Variants in DHCR24 observed in about 807,000 individuals in gnomAD.
The protein encoded by DHCR24 is delta(24)-sterol reductase.
Under a neutral mutation model 61.2 loss-of-function variants are expected in DHCR24, and 28 were observed. The observed-to-expected ratio is 0.46, with a 90% CI of 0.34 to 0.63. The LOEUF (loss-of-function observed/expected upper bound fraction) is 0.63. Ranked by LOEUF, DHCR24 falls within the 20% of genes least tolerant of loss-of-function variation. The pLI is 0.01. For synonymous variants in DHCR24, 261 were observed against 275.9 expected (o/e 0.95, Z 0.54); for missense variants, 538 against 679.1 (o/e 0.79, Z 2.31).
rs1646977916 is a variant in DHCR24 at position 54,868,209 on chromosome 1, GC to G, written c.877-2764del. Among the ~76,000 whole-genome samples the G allele has an allele frequency of 4.6e-5, 7 of 152,300 alleles. No homozygotes were observed. The South Asian group carries it at 1.2e-3, about 27-fold the overall frequency. On this transcript the variant is annotated intron_variant, in intron 5 of 8. Transcript: ENST00000371269. Reference sequence around the variant, plus strand: ...CAATTGGCCGGGCGCAGTGGCTCACGCCCGTAATCCCAACACTTTGGGAGGC... The same window carrying G: ...CAATTGGCCGGGCGCAGTGGCTCACGCCGTAATCCCAACACTTTGGGAGGC...
At chr1:54,878,343 TA>T (rs34599871) in intron 2 of DHCR24, among the ~76,000 whole-genome samples, 129,817 of 146,954 alleles carry the variant, frequency 0.88, 57,335 homozygotes, top group Middle Eastern at 0.91. Context: ...CCGCCTCTGC[TA>T]AAAAAAAAAA....
intron 6 of DHCR24, among the ~76,000 whole-genome samples, chr1:54,858,021 T>C (rs954921158): frequency 6.6e-6 from 1 of 152,152 alleles, no homozygotes; most frequent in African/African-American, 2.4e-5. Context: ...AGGCCGCCAA[T>C]GGGAGGAGAA....
chr1:54,863,787 T>C (rs1216456969), intron 6 of DHCR24, among the ~76,000 whole-genome samples: 1 of 152,166 alleles, frequency 6.6e-6, no homozygotes, highest in African/African-American at 2.4e-5. Context: ...GAGAAAATGT[T>C]TGCAGATCAT....
rs1397953194 is a variant in DHCR24 at position 54,883,776 on chromosome 1, G to C, written c.232-3C>G. The C allele has an allele frequency of 6.2e-7, 1 of 1,613,960 alleles. No homozygotes were observed. Among genetic ancestry groups the C allele is most frequent in the Non-Finnish European group, 8.5e-7 (1 of 1,180,038 alleles). On this transcript the variant is annotated splice_region_variant and splice_polypyrimidine_tract_variant and intron_variant, in intron 1 of 8. Coordinates refer to ENST00000371269, the MANE Select transcript of DHCR24 (RefSeq NM_014762.4). This position sits in a 1 kb window ranked among gnomAD's most constrained non-coding sequence, Gnocchi z 4.3. Reference sequence around the variant, plus strand: ...CCCTGCTCCTTCCATTCCCGCACCTGCAACCACAGGACAGAGGGTGAGCTG... The same window carrying C: ...CCCTGCTCCTTCCATTCCCGCACCTCCAACCACAGGACAGAGGGTGAGCTG...
chr1:54,865,518 C>G, intron 5 of DHCR24, 72 bp from the exon 6 acceptor site: 1 of 1,598,890 alleles, frequency 6.3e-7, no homozygotes, highest in Non-Finnish European at 8.5e-7. Context: ...AACAGCGACA[C>G]CCGGCTTCTG....
chr1:54,868,754 G>C (rs1646981329), intron 5 of DHCR24, among the ~76,000 whole-genome samples: 1 of 151,692 alleles, frequency 6.6e-6, no homozygotes, highest in Admixed American at 6.6e-5. Context: ...GTAACAACAG[G>C]GGGAAATGCT....
intron 6 of DHCR24, among the ~76,000 whole-genome samples, chr1:54,859,517 A>G (rs1302246007): frequency 6.6e-6 from 1 of 151,644 alleles, no homozygotes; most frequent in African/African-American, 2.4e-5. Flanking sequence ...GCTGTTGCCC[A>G]GGCTGGAGTA....
In DHCR24 at chr1:54,864,401, CATT is replaced by C. The variant is rs141172216; in HGVS notation, c.1020+899_1020+901del. Among the ~76,000 whole-genome samples, 980 of 152,228 alleles carry C rather than the reference CATT, an allele frequency of 6.4e-3. 14 individuals carry two copies. Among genetic ancestry groups the C allele is most frequent in the African/African-American group, 0.023 (952 of 41,526 alleles). On this transcript the variant is annotated intron_variant, in intron 6 of 8. Coordinates refer to ENST00000371269, the MANE Select transcript of DHCR24 (RefSeq NM_014762.4). ...GAAATGAAATATTGATACATGAAAA[CATT>C]ATGCTATGTAAAAGAAGCCAGTCAC... is the stretch of plus-strand genomic sequence containing the variant.
rs1208649907 is a variant in DHCR24, at chr1:54,883,273, A to T, written c.387+345T>A. Among the ~76,000 whole-genome samples, 2 of 152,200 alleles carry T rather than the reference A, an allele frequency of 1.3e-5. No homozygotes were observed. Among genetic ancestry groups the T allele is most frequent in the African/African-American group, 2.4e-5 (1 of 41,436 alleles). Reference sequence around the variant, plus strand: ...GAGGGTTTCCAGGAAGCTTGTAACAAGACCCATGTCTCTCAGTCACTTCTG... The same window carrying T: ...GAGGGTTTCCAGGAAGCTTGTAACATGACCCATGTCTCTCAGTCACTTCTG... On this transcript the variant is annotated intron_variant, in intron 2 of 8. Coordinates refer to ENST00000371269, the MANE Select transcript of DHCR24 (RefSeq NM_014762.4). The surrounding 1 kb of genome is among the most constrained non-coding windows in gnomAD (Gnocchi z 4.3).
intron 2 of DHCR24, among the ~76,000 whole-genome samples, chr1:54,879,549 A>C (rs928275912): frequency 6.6e-6 from 1 of 152,190 alleles, no homozygotes; most frequent in Non-Finnish European, 1.5e-5. Context: ...GAGCTGTAGA[A>C]CAACTTGAAA....
In DHCR24 at chr1:54,853,552, TG is replaced by T; in HGVS notation, c.1278del (p.Gly428GlufsTer18). 1 of 1,614,138 alleles carries T rather than the reference TG, an allele frequency of 6.2e-7. No individual in the cohort carries two copies. Among genetic ancestry groups the T allele is most frequent in the Non-Finnish European group, 8.5e-7 (1 of 1,180,016 alleles). ...ILPSQPGLVH[P>X]KGNEAELYID... ...ATGTAGAGCTCTGCCTCATTTCCTT[TG>T]GGGTGCACTAGGCCTGGCTGGCTGG... On this transcript the variant is annotated frameshift_variant, in exon 8 of 9. Transcript: ENST00000371269. LOFTEE classifies it high-confidence loss of function.
chr1:54,853,482 G>T lies in DHCR24; in HGVS notation c.1349C>A (p.Ala450Asp). 1.2e-6 allele frequency: 2 copies of T among 1,614,170 alleles called. No individual in the cohort carries two copies. Among genetic ancestry groups the T allele is most frequent in the Non-Finnish European group, 1.7e-6 (2 of 1,180,034 alleles). Residue 450 changes from alanine to aspartate, a missense_variant, in exon 8 of 9, where the codon GCC becomes GAC. By Grantham distance (126) the Ala-to-Asp change is moderately radical. Coordinates refer to ENST00000371269, the MANE Select transcript of DHCR24 (RefSeq NM_014762.4). Reference protein sequence around the residue: ...YGEPRVKHFEARSCMRQLEKF... With the variant: ...YGEPRVKHFEDRSCMRQLEKF... ...CTCCAGCTGCCTCATGCAGGACCTG[G>T]CTTCAAAGTGTTTCACACGCGGCTC...
intron 8 of DHCR24, among the ~76,000 whole-genome samples, chr1:54,852,859 G>A (rs932599818): frequency 2.0e-5 from 3 of 152,100 alleles, no homozygotes; most frequent in Non-Finnish European, 4.4e-5. Context: ...TTAGTTATCC[G>A]TTGCCCTCTG....
Position 54,871,706 on chromosome 1 carries a change from T to C in DHCR24, c.613-93A>G, listed in dbSNP as rs528459787. 26 of 1,531,222 alleles carry C rather than the reference T, an allele frequency of 1.7e-5. No individual in the cohort carries two copies. In the East Asian group the frequency reaches 6.0e-4, roughly 35 times the overall value. 94.9% of individuals were successfully genotyped at this position (1,531,222 alleles called of 1,614,324 possible). A position where few individuals can be genotyped will look rare whatever the true frequency, so the allele number is the denominator to read the frequency against. On this transcript the variant is annotated intron_variant, in intron 4 of 8. Transcript: ENST00000371269. Reference sequence around the variant, plus strand: ...GGGGAGCAAAGCCTGGGAGAGTCCCTATTCTCTCACTCTCTTGTATAAACC... The same window carrying C: ...GGGGAGCAAAGCCTGGGAGAGTCCCCATTCTCTCACTCTCTTGTATAAACC...
At chr1:54,856,531 G>A (rs1646908482) in intron 6 of DHCR24, among the ~76,000 whole-genome samples, 1 of 152,122 alleles carries the variant, frequency 6.6e-6, no homozygotes, top group South Asian at 2.1e-4. Flanking sequence ...GAAGCGGAGA[G>A]GCGGAGGTTG....
chr1:54,865,396 C>A lies in DHCR24; in HGVS notation c.927G>T (p.Glu309Asp). ...YYKPWFFKHV[E>D]NYLKTNREGL... is the part of the protein sequence containing the mutation. ...CCTCTCGGTTTGTCTTCAGATAGTT[C>A]TCCACATGCTTAAAGAACCACGGCT... Residue 309 changes from glutamate (E) to aspartate (D), a missense_variant, in exon 6 of 9, where the codon GAG (glutamate) becomes GAT (aspartate). Coordinates refer to ENST00000371269, the MANE Select transcript of DHCR24 (RefSeq NM_014762.4). The A allele has an allele frequency of 6.2e-7, 1 of 1,614,202 alleles. No homozygotes were observed. The highest frequency in any genetic ancestry group is 1.1e-5 in the South Asian group (1 of 91,084).
intron 6 of DHCR24, 32 bp downstream of exon 6, chr1:54,865,271 A>C: frequency 6.2e-7 from 1 of 1,604,902 alleles, no homozygotes; most frequent in Non-Finnish European, 8.5e-7. Flanking sequence ...GCTGGCCTGG[A>C]GGAGCCAGGG....
In DHCR24 at chr1:54,869,414, A is replaced by G. The variant is rs56311881; in HGVS notation, c.876+1936T>C. ...ATTTTTCTGACTCAATCCTACACAA[A>G]TATTTGTACAGAAGGACAGGATAAA... is the stretch of plus-strand genomic sequence containing the variant. On this transcript the variant is annotated intron_variant, in intron 5 of 8. Transcript: ENST00000371269. Among the ~76,000 whole-genome samples, 295 of 152,358 alleles carry G rather than the reference A, an allele frequency of 1.9e-3. 1 individual carries two copies. Among genetic ancestry groups the G allele is most frequent in the African/African-American group, 6.8e-3 (284 of 41,588 alleles).
chr1:54,881,547 T>C (rs1647064026), intron 2 of DHCR24, among the ~76,000 whole-genome samples: 1 of 152,156 alleles, frequency 6.6e-6, no homozygotes, highest in African/African-American at 2.4e-5. Flanking sequence ...GGTGGGAGTG[T>C]AAATTAGTTC....
Sources: gnomAD v4.1 joint callset for allele counts (sites outside exome capture counted in the v4.1 genomes callset) on GRCh38, gnomAD v4.1.1 for gene constraint, Gnocchi (gnomAD v3.1) non-coding constraint, MANE v1.5 for transcripts, NCBI Gene and HGNC (gene_info 2026-07-23, HGNC 2026-07-21) for gene names.